The following KIAA1549L variants were observed in gnomAD, a reference collection of about 807,000 sequenced individuals.
KIAA1549L encodes the protein KIAA1549 like.
Under a neutral mutation model 160.7 loss-of-function variants are expected in KIAA1549L, and 88 were observed. The ratio of observed to expected loss-of-function variants is 0.55; its 90% confidence interval spans 0.46 to 0.65. The LOEUF (loss-of-function observed/expected upper bound fraction) is 0.65, where lower values mean the gene tolerates loss of function less well. Among genes scored for constraint, KIAA1549L ranks in the 30% least tolerant of loss-of-function variants. KIAA1549L has a pLI of 0.00. For synonymous variants in KIAA1549L, 950 were observed against 976.7 expected (o/e 0.97, Z 0.51); for missense variants, 2,258 against 2,437.5 (o/e 0.93, Z 1.55).
chr11:33,384,054 A>G (rs2093029036), intron 1 of KIAA1549L, among the ~76,000 whole-genome samples: 1 of 152,150 alleles, frequency 6.6e-6, no homozygotes, highest in Non-Finnish European at 1.5e-5. Context: ...GTGTGCAATC[A>G]TGCGTCCACC....
intron 1 of KIAA1549L, among the ~76,000 whole-genome samples, chr11:33,424,063 G>A (rs780337790): frequency 6.6e-6 from 1 of 151,922 alleles, no homozygotes; most frequent in Non-Finnish European, 1.5e-5. Context: ...AATTGTAACA[G>A]AGGATGAAAC....
chr11:33,449,967 T>C (rs1170517991), intron 1 of KIAA1549L, among the ~76,000 whole-genome samples: 1 of 152,190 alleles, frequency 6.6e-6, no homozygotes, highest in Non-Finnish European at 1.5e-5. Flanking sequence ...GCCAACCCAT[T>C]AGCTATCCAT....
At chr11:33,509,523 A>G (rs1853176007) in intron 1 of KIAA1549L, among the ~76,000 whole-genome samples, 1 of 152,220 alleles carries the variant, frequency 6.6e-6, no homozygotes, top group African/African-American at 2.4e-5. Context: ...CGGGAAGTGA[A>G]GGTTAATGTT....
chr11:33,403,446 GACAC>G (rs964947290), intron 1 of KIAA1549L: 4 of 63,600 alleles, frequency 6.3e-5, no homozygotes, highest in South Asian at 5.8e-4. Flanking sequence ...CATACATGCA[GACAC>G]ACACAGGGAC....
chr11:33,454,938 A>T (rs1314310905), intron 1 of KIAA1549L, among the ~76,000 whole-genome samples: 2 of 151,998 alleles, frequency 1.3e-5, no homozygotes, highest in African/African-American at 4.8e-5. Context: ...AAATACAAAA[A>T]AATAGCCGGG....
intron 1 of KIAA1549L, among the ~76,000 whole-genome samples, chr11:33,396,822 C>T (rs1341517037): frequency 1.3e-5 from 2 of 151,784 alleles, no homozygotes; most frequent in East Asian, 1.9e-4. Flanking sequence ...TGGTGGTGCA[C>T]ACCTGTAGTC....
rs557493262 is a variant in KIAA1549L, at chr11:33,633,382, C to T, written c.5410-12304C>T. Among the ~76,000 whole-genome samples, 7 of 151,924 alleles carry T rather than the reference C, an allele frequency of 4.6e-5. 1 individual carries two copies. Among genetic ancestry groups the T allele is most frequent in the East Asian group, 1.9e-4 (1 of 5,154 alleles). On this transcript the variant is annotated intron_variant, in intron 16 of 20. Coordinates refer to ENST00000658780, the MANE Select transcript of KIAA1549L (RefSeq NM_012194.3). ...TAACGACTGCTATTCACTGTGAGCTCGGGAAGTCCAGGCTACAGTCAGAGG... is the reference window on the plus strand; with the variant it reads ...TAACGACTGCTATTCACTGTGAGCTTGGGAAGTCCAGGCTACAGTCAGAGG...
intron 8 of KIAA1549L, among the ~76,000 whole-genome samples, chr11:33,564,580 T>G (rs1039756638): frequency 5.3e-5 from 8 of 152,218 alleles, no homozygotes; most frequent in East Asian, 1.9e-4. Flanking sequence ...TGAGGCAAGA[T>G]AGAAATGTGC....
chr11:33,624,825 G>A (rs1851055983), intron 16 of KIAA1549L, among the ~76,000 whole-genome samples: 1 of 148,516 alleles, frequency 6.7e-6, no homozygotes, highest in African/African-American at 2.5e-5. Flanking sequence ...AGATACATAT[G>A]TATACATGTG....
rs1855392769 is a variant in KIAA1549L, at chr11:33,574,849, C to T, written c.4378C>T (p.His1460Tyr). ...CCAAAGGATGGCCTTGACCCTTCATCACGTTGTCCTTCTGCAAGCTGACCG... is the reference window on the plus strand; with the variant it reads ...CCAAAGGATGGCCTTGACCCTTCATTACGTTGTCCTTCTGCAAGCTGACCG... ...DSQRMALTLH[H>Y]VVLLQADPVV... The change falls in exon 10 of 21, where the codon CAC (histidine) becomes TAC (tyrosine). Residue 1460 changes from histidine to tyrosine, a missense_variant. Coordinates refer to ENST00000658780, the MANE Select transcript of KIAA1549L (RefSeq NM_012194.3). 6.2e-7 allele frequency: 1 copy of T among 1,613,768 alleles called. No homozygotes were observed. The highest frequency in any genetic ancestry group is 1.3e-5 in the African/African-American group (1 of 74,932).
At chr11:33,598,190 TTGTGTGTGTGTG>T (rs57343190) in intron 12 of KIAA1549L, among the ~76,000 whole-genome samples, 19 of 135,100 alleles carry the variant, frequency 1.4e-4, no homozygotes, top group South Asian at 2.4e-4. Flanking sequence ...GAGAGAATGT[TTGTGTGTGTGTG>T]TGTGTGTGTG....
At position 33,545,321 on chromosome 11, in the gene KIAA1549L, G is replaced by C; in HGVS notation, c.3328G>C (p.Gly1110Arg). The C allele has an allele frequency of 6.2e-7, 1 of 1,613,274 alleles. No individual in the cohort carries two copies. Residue 1110 changes from glycine to arginine, a missense_variant, in exon 3 of 21, where the codon GGC (glycine) becomes CGC (arginine). Physicochemically the swap from Gly to Arg is moderately radical, Grantham distance 125 (BLOSUM62 -2). This residue lies in a region of KIAA1549L where 1,359 missense variants were observed against 1,546.6 expected (regional missense o/e 0.88). Coordinates refer to ENST00000658780, the MANE Select transcript of KIAA1549L (RefSeq NM_012194.3). ...TGCATCGGCTGCAGTGGTCACGACT[G>C]GCAAAATGGCATCCAACCTGGAGTG... ...PAASAAVVTT[G>R]KMASNLECQM...
Position 33,544,080 on chromosome 11 carries a change from G to C in KIAA1549L, c.2517G>C (p.Gln839His). ...VSHPQLQLPN[Q>H]PAHPLLLTSP... Reference sequence around the variant, plus strand: ...ATCCTCAGCTACAGTTGCCCAACCAGCCAGCACATCCTCTTTTGCTAACCT... The same window carrying C: ...ATCCTCAGCTACAGTTGCCCAACCACCCAGCACATCCTCTTTTGCTAACCT... The change falls in exon 2 of 21, where the codon CAG becomes CAC. Residue 839 changes from glutamine (Q) to histidine (H), a missense_variant. By Grantham distance (24) the Gln-to-His change is conservative (BLOSUM62 0). Coordinates refer to ENST00000658780, the MANE Select transcript of KIAA1549L (RefSeq NM_012194.3). The C allele has an allele frequency of 6.2e-7, 1 of 1,613,998 alleles. No individual in the cohort carries two copies. The highest frequency in any genetic ancestry group is 1.1e-5 in the South Asian group (1 of 91,086).
At chr11:33,377,650 G>A (rs1157079729) in intron 1 of KIAA1549L, among the ~76,000 whole-genome samples, 1 of 152,072 alleles carries the variant, frequency 6.6e-6, no homozygotes, top group Non-Finnish European at 1.5e-5. Context: ...ACTTGGAAAG[G>A]GCAGGCTTTT....
chr11:33,639,537 TTTATTA>T (rs917256377), intron 16 of KIAA1549L, among the ~76,000 whole-genome samples: 2 of 152,040 alleles, frequency 1.3e-5, no homozygotes, highest in Admixed American at 6.6e-5. Flanking sequence ...GCAAAGTTCT[TTTATTA>T]TTATTATTAT....
intron 1 of KIAA1549L, among the ~76,000 whole-genome samples, chr11:33,491,642 A>C (rs918099461): frequency 7.9e-5 from 12 of 152,186 alleles, no homozygotes; most frequent in African/African-American, 2.9e-4. Flanking sequence ...ATCCCTTTTT[A>C]AGTTTTAATT....
At chr11:33,601,036 A>G (rs907211541) in intron 13 of KIAA1549L, among the ~76,000 whole-genome samples, 27 of 152,012 alleles carry the variant, frequency 1.8e-4, no homozygotes, top group African/African-American at 6.5e-4. Flanking sequence ...TCTTTATTCT[A>G]TTTAGGTCAC....
intron 1 of KIAA1549L, among the ~76,000 whole-genome samples, chr11:33,447,646 C>CAA (rs1433249799): frequency 1.3e-5 from 2 of 151,282 alleles, no homozygotes; most frequent in African/African-American, 2.4e-5. Flanking sequence ...CACACACACA[C>CAA]AAAATTTTAG....
At chr11:33,571,467 G>C (rs975111626) in intron 9 of KIAA1549L, among the ~76,000 whole-genome samples, 4 of 152,196 alleles carry the variant, frequency 2.6e-5, no homozygotes, top group African/African-American at 9.7e-5. Flanking sequence ...AAGAAAAGAG[G>C]TTTAACTGGC....
Sources: gnomAD v4.1 joint callset for allele counts (sites outside exome capture counted in the v4.1 genomes callset) on GRCh38, gnomAD v4.1.1 for gene constraint, gnomAD v4.1.1 regional missense constraint, MANE v1.5 for transcripts, NCBI Gene and HGNC (gene_info 2026-07-23, HGNC 2026-07-21) for gene names.